The following MYZAP variants were observed in gnomAD, a reference collection of about 807,000 sequenced individuals.
MYZAP encodes the protein myocardial zonula adherens protein.
In MYZAP, 66 loss-of-function variants were observed where a neutral mutation model predicts 69.4. That is an observed-to-expected ratio of 0.95 (90% CI 0.78 to 1.17). The LOEUF (loss-of-function observed/expected upper bound fraction) is 1.17. Among genes scored for constraint, MYZAP ranks in the 50% most tolerant of loss-of-function variants. MYZAP has a pLI of 0.00. For missense variants in MYZAP, 611 were observed against 556.2 expected, an observed-to-expected ratio of 1.10 and a Z score of -0.99; for synonymous variants, 256 against 205.9, an observed-to-expected ratio of 1.24 and a Z score of -2.09.
intron 3 of MYZAP, among the ~76,000 whole-genome samples, chr15:57,620,925 A>G (rs2035765471): frequency 6.6e-6 from 1 of 151,222 alleles, no homozygotes; most frequent in Non-Finnish European, 1.5e-5. Flanking sequence ...TTTTCTTCAG[A>G]GTTTATTTGG....
chr15:57,617,902 C>A, intron 2 of MYZAP, 131 bp from the exon 3 acceptor site: 1 of 1,284,374 alleles, frequency 7.8e-7, no homozygotes. Flanking sequence ...TTTTTGCTCC[C>A]TCCATCTCCA....
chr15:57,670,374 A>G (rs1286654055), intron 11 of MYZAP, among the ~76,000 whole-genome samples: 1 of 152,026 alleles, frequency 6.6e-6, no homozygotes, highest in Non-Finnish European at 1.5e-5. Flanking sequence ...TTGTCTTGAT[A>G]TCTATTTTAA....
At chr15:57,644,156 C>T (rs948130645) in intron 10 of MYZAP, among the ~76,000 whole-genome samples, 1 of 152,276 alleles carries the variant, frequency 6.6e-6, no homozygotes, top group African/African-American at 2.4e-5. Context: ...GATTGAGAAT[C>T]GCTGTCCCGG....
intron 10 of MYZAP, chr15:57,648,572 A>T: frequency 1.5e-6 from 1 of 683,558 alleles, no homozygotes; most frequent in Middle Eastern, 7.2e-4. Flanking sequence ...AGTCTTAAAA[A>T]ATAAGTAGCT....
At chr15:57,633,870 A>C in intron 8 of MYZAP, 129 bp downstream of exon 8, 1 of 1,130,018 alleles carries the variant, frequency 8.8e-7, no homozygotes, top group Non-Finnish European at 1.1e-6. Context: ...AAAAAAGACA[A>C]AGCTATAAAA....
intron 12 of MYZAP, among the ~76,000 whole-genome samples, chr15:57,683,048 A>C (rs1299460215): frequency 2.6e-5 from 4 of 152,154 alleles, no homozygotes; most frequent in Non-Finnish European, 5.9e-5. Flanking sequence ...ATGTTTGGGC[A>C]ACTTTAAGGG....
chr15:57,648,296 G>C lies in MYZAP; in HGVS notation c.1119+8751G>C, dbSNP rs545744534. Reference sequence around the variant, plus strand: ...TATAAATTGTCTTTTCAAGGGAAAGGATATTTTCTTTGGAAATGTCATTGA... The same window carrying C: ...TATAAATTGTCTTTTCAAGGGAAAGCATATTTTCTTTGGAAATGTCATTGA... On this transcript the variant is annotated intron_variant, in intron 10 of 12. Transcript: ENST00000267853. 95 of 985,340 alleles carry C rather than the reference G, an allele frequency of 9.6e-5. No homozygotes were observed. The African/African-American group carries it at 1.6e-3, about 16-fold the overall frequency. The allele number at this position is 985,340 out of a possible 1,614,324, so 61.0% of individuals were successfully genotyped here. A position where few individuals can be genotyped will look rare whatever the true frequency, so the allele number is the denominator to read the frequency against.
At chr15:57,630,028 G>C (rs1183551940) in intron 6 of MYZAP, among the ~76,000 whole-genome samples, 174 bp downstream of exon 6, 3 of 146,786 alleles carry the variant, frequency 2.0e-5, no homozygotes, top group Non-Finnish European at 3.0e-5. Flanking sequence ...GAGTGCAGTG[G>C]TACAATCATG....
chr15:57,622,547 T>A (rs148002442), intron 4 of MYZAP, among the ~76,000 whole-genome samples: 2 of 152,112 alleles, frequency 1.3e-5, no homozygotes, highest in Non-Finnish European at 2.9e-5. Flanking sequence ...AGTATCATAG[T>A]GGCACATAAA....
intron 11 of MYZAP, among the ~76,000 whole-genome samples, chr15:57,670,997 T>A (rs1389038409): frequency 6.6e-6 from 1 of 152,138 alleles, no homozygotes; most frequent in Non-Finnish European, 1.5e-5. Flanking sequence ...ATATGTACTT[T>A]AAAGAAATTA....
chr15:57,619,232 T>C (rs542287904), intron 3 of MYZAP, among the ~76,000 whole-genome samples: 55 of 152,366 alleles, frequency 3.6e-4, no homozygotes, highest in Non-Finnish European at 6.6e-4. Flanking sequence ...AAATAATAAA[T>C]GCTTAGCAGA....
intron 12 of MYZAP, among the ~76,000 whole-genome samples, chr15:57,683,162 T>G (rs1393990916): frequency 1.3e-5 from 2 of 152,070 alleles, no homozygotes; most frequent in Non-Finnish European, 2.9e-5. Flanking sequence ...GATAACAAGT[T>G]GGGGAGCTGT....
intron 11 of MYZAP, among the ~76,000 whole-genome samples, chr15:57,667,440 A>AAC (rs1357758389): frequency 6.6e-6 from 1 of 152,152 alleles, no homozygotes; most frequent in Non-Finnish European, 1.5e-5. Flanking sequence ...TACACATATA[A>AAC]ACACAAGGGG....
intron 2 of MYZAP, among the ~76,000 whole-genome samples, chr15:57,613,314 GT>G (rs1248519655): frequency 6.6e-6 from 1 of 151,718 alleles, no homozygotes; most frequent in African/African-American, 2.4e-5. Flanking sequence ...TTTAAAATTT[GT>G]TTTTTTAGTA....
chr15:57,637,156 T>G (rs2036864921), intron 8 of MYZAP, among the ~76,000 whole-genome samples: 1 of 152,190 alleles, frequency 6.6e-6, no homozygotes. Flanking sequence ...ATCTTTAACT[T>G]AATCACATCT....
Position 57,670,504 on chromosome 15 carries a change from A to T in MYZAP, c.1204-4464A>T, listed in dbSNP as rs564608028. On this transcript the variant is annotated intron_variant, in intron 11 of 12. Coordinates refer to ENST00000267853, the MANE Select transcript of MYZAP (RefSeq NM_001018100.5). Reference sequence around the variant, plus strand: ...GTATTTAAAGTACATCTCTTATAGAAAATAGTTGGGACTTGCTTTTTTATA... The same window carrying T: ...GTATTTAAAGTACATCTCTTATAGATAATAGTTGGGACTTGCTTTTTTATA... Among the ~76,000 whole-genome samples, 31 of 152,194 alleles carry T rather than the reference A, an allele frequency of 2.0e-4. No homozygotes were observed. In the South Asian group the frequency reaches 6.4e-3, roughly 32 times the overall value.
In MYZAP at chr15:57,618,189, G is replaced by A; in HGVS notation, c.318+1G>A. The A allele has an allele frequency of 1.2e-6, 2 of 1,613,164 alleles. No homozygotes were observed. Among genetic ancestry groups the A allele is most frequent in the Non-Finnish European group, 1.7e-6 (2 of 1,179,694 alleles). Reference sequence around the variant, plus strand: ...AGAAGAGATGAACTACATCAAAGATGTGAGCCATTTAAGAGTTTTTGCCCC... The same window carrying A: ...AGAAGAGATGAACTACATCAAAGATATGAGCCATTTAAGAGTTTTTGCCCC... On this transcript the variant is annotated splice_donor_variant, in intron 3 of 12. Transcript: ENST00000267853. LOFTEE classifies it high-confidence loss of function.
At chr15:57,646,819 C>G (rs925262276) in intron 10 of MYZAP, 1 of 985,328 alleles carries the variant, frequency 1.0e-6, no homozygotes, top group Admixed American at 6.1e-5. Flanking sequence ...TTGGTTCAAC[C>G]AACTTCACGA....
intron 2 of MYZAP, among the ~76,000 whole-genome samples, chr15:57,612,551 C>G (rs2035173454): frequency 6.6e-6 from 1 of 152,190 alleles, no homozygotes; most frequent in East Asian, 1.9e-4. Flanking sequence ...AGAGATAGAG[C>G]AGTGAATAAG....
Sources: allele counts gnomAD v4.1 joint callset (sites outside exome capture counted in the v4.1 genomes callset), GRCh38; gene constraint gnomAD v4.1.1; transcripts MANE v1.5; gene names NCBI Gene and HGNC (gene_info 2026-07-23, HGNC 2026-07-21).